CNOT4: variants seen among roughly 807,000 people sequenced by gnomAD.
CNOT4 encodes CCR4-NOT transcription complex subunit 4.
Under a neutral mutation model 73.8 loss-of-function variants are expected in CNOT4, and 8 were observed. The ratio of observed to expected loss-of-function variants is 0.11; its 90% CI spans 0.06 to 0.20. CNOT4 has a LOEUF of 0.20. Among genes scored for constraint, CNOT4 ranks in the 10% least tolerant of loss-of-function variants. CNOT4 has a pLI of 1.00. For synonymous variants in CNOT4, 293 were observed against 321.1 expected (o/e 0.91, Z 0.94); for missense variants, 564 against 883.4 (o/e 0.64, Z 4.58).
At chr7:135,443,698 A>C (rs553081150) in intron 1 of CNOT4, among the ~76,000 whole-genome samples, 1 of 152,320 alleles carries the variant, frequency 6.6e-6, no homozygotes, top group African/African-American at 2.4e-5. Flanking sequence ...ATGTGTAATA[A>C]TGCTCCTGCA....
At chr7:135,453,208 G>A (rs1399987936) in intron 1 of CNOT4, among the ~76,000 whole-genome samples, 1 of 152,002 alleles carries the variant, frequency 6.6e-6, no homozygotes, top group African/African-American at 2.4e-5. Flanking sequence ...CACTAGTAAT[G>A]GATAAAACAG....
At chr7:135,464,943 A>C (rs560216368) in intron 1 of CNOT4, among the ~76,000 whole-genome samples, 1 of 152,060 alleles carries the variant, frequency 6.6e-6, no homozygotes, top group Non-Finnish European at 1.5e-5. Context: ...GGTACAAGAA[A>C]CACAGATTAA....
chr7:135,505,384 T>A (rs1346430907), intron 1 of CNOT4, among the ~76,000 whole-genome samples: 1 of 152,084 alleles, frequency 6.6e-6, no homozygotes, highest in East Asian at 1.9e-4. Context: ...AAACCCCATC[T>A]CTACTAAAAA....
chr7:135,427,242 C>G (rs1201069779), intron 2 of CNOT4, among the ~76,000 whole-genome samples: 1 of 151,978 alleles, frequency 6.6e-6, no homozygotes, highest in Non-Finnish European at 1.5e-5. Flanking sequence ...CATGTGTCTT[C>G]TCTTTACTTT....
At chr7:135,400,889 A>T (rs576131084) in intron 7 of CNOT4, among the ~76,000 whole-genome samples, 5 of 152,302 alleles carry the variant, frequency 3.3e-5, no homozygotes, top group Admixed American at 3.3e-4. Context: ...GGAATAATAA[A>T]TGAAAAGCTT....
intron 1 of CNOT4, among the ~76,000 whole-genome samples, chr7:135,454,237 T>C (rs186921370): frequency 4.6e-5 from 7 of 151,976 alleles, no homozygotes; most frequent in African/African-American, 1.4e-4. Context: ...ACTAAAATAG[T>C]AAAGTCAAGA....
chr7:135,374,012 C>A (rs550142725), intron 10 of CNOT4, among the ~76,000 whole-genome samples: 4 of 152,280 alleles, frequency 2.6e-5, no homozygotes, highest in Non-Finnish European at 2.9e-5. Flanking sequence ...GGAAATAATG[C>A]GTAGCATTTT....
intron 1 of CNOT4, among the ~76,000 whole-genome samples, chr7:135,447,525 T>A (rs1414403514): frequency 6.6e-6 from 1 of 152,184 alleles, no homozygotes; most frequent in Non-Finnish European, 1.5e-5. Context: ...TTTCTACCTC[T>A]CTATCACTTT....
chr7:135,475,767 C>G (rs1490146004), intron 1 of CNOT4, among the ~76,000 whole-genome samples: 1 of 152,024 alleles, frequency 6.6e-6, no homozygotes, highest in East Asian at 1.9e-4. Context: ...AAAAATCAGC[C>G]ACGCATGGTG....
At chr7:135,395,015 A>G (rs1796600550) in intron 9 of CNOT4, among the ~76,000 whole-genome samples, 1 of 152,180 alleles carries the variant, frequency 6.6e-6, no homozygotes. Flanking sequence ...TTACTACTAA[A>G]TAACTTGCAT....
intron 1 of CNOT4, among the ~76,000 whole-genome samples, chr7:135,489,878 T>G (rs1314253071): frequency 6.6e-6 from 1 of 152,068 alleles, no homozygotes; most frequent in Non-Finnish European, 1.5e-5. Context: ...GCCACAACAG[T>G]GATATGATTG....
rs117601918 is a variant in CNOT4 at position 135,487,981 on chromosome 7, C to A, written c.-93+21908G>T. 2.2e-3 allele frequency among the ~76,000 whole-genome samples: 338 copies of A among 152,176 alleles called. 10 individuals carry two copies. In the East Asian group the frequency reaches 0.054, roughly 24 times the overall value. On this transcript the variant is annotated intron_variant, in intron 1 of 11. Transcript: ENST00000541284. ...CTGAGGCAGGAGAATGGCGTGAGAA[C>A]CACTGGGAGGCGGAGCTTGCACTGA...
Position 135,502,437 on chromosome 7 carries a change from GA to G in CNOT4, c.-93+7451del, listed in dbSNP as rs531593963. On this transcript the variant is annotated intron_variant, in intron 1 of 11. Coordinates refer to ENST00000541284, the MANE Select transcript of CNOT4 (RefSeq NM_001190850.2). The stretch of plus-strand genomic sequence containing the variant: ...TGGACAGTGCTAATTATATCATTAT[GA>G]AAGTATTCTTGACAAGATAAACTCT... Among the ~76,000 whole-genome samples, 291 of 152,348 alleles carry G rather than the reference GA, an allele frequency of 1.9e-3. 4 individuals are homozygous for G. The highest frequency in any genetic ancestry group is 6.8e-3 in the African/African-American group (283 of 41,582).
chr7:135,452,250 T>C (rs935657821), intron 1 of CNOT4, among the ~76,000 whole-genome samples: 3 of 151,758 alleles, frequency 2.0e-5, no homozygotes, highest in Non-Finnish European at 1.5e-5. Flanking sequence ...AAAAGAGGAA[T>C]AGTAATAAAA....
intron 8 of CNOT4, among the ~76,000 whole-genome samples, chr7:135,397,588 C>G (rs1425095697): frequency 7.3e-6 from 1 of 136,882 alleles, no homozygotes; most frequent in Non-Finnish European, 1.6e-5. Flanking sequence ...TATAGAAACT[C>G]AAGGAGTGAA....
At chr7:135,404,568 A>G (rs1195988574) in intron 7 of CNOT4, among the ~76,000 whole-genome samples, 1 of 152,140 alleles carries the variant, frequency 6.6e-6, no homozygotes, top group East Asian at 1.9e-4. Flanking sequence ...TCTATGAACT[A>G]TGTCTTTTCT....
intron 1 of CNOT4, among the ~76,000 whole-genome samples, chr7:135,473,254 C>T (rs558164469): frequency 2.2e-4 from 33 of 152,054 alleles, no homozygotes; most frequent in African/African-American, 6.5e-4. Context: ...TAATAACATG[C>T]CTTATTTTAA....
At chr7:135,483,688 G>A (rs1380872805) in intron 1 of CNOT4, among the ~76,000 whole-genome samples, 1 of 151,916 alleles carries the variant, frequency 6.6e-6, no homozygotes, top group African/African-American at 2.4e-5. Flanking sequence ...GCCGGACAAG[G>A]TGTCACATGC....
intron 7 of CNOT4, among the ~76,000 whole-genome samples, chr7:135,401,254 C>A (rs1796985126): frequency 6.6e-6 from 1 of 152,164 alleles, no homozygotes; most frequent in Non-Finnish European, 1.5e-5. Context: ...TAATAAATTT[C>A]TTTTACTTTC....
Sources: allele counts gnomAD v4.1 joint callset (sites outside exome capture counted in the v4.1 genomes callset), GRCh38; gene constraint gnomAD v4.1.1; transcripts MANE v1.5; gene names NCBI Gene and HGNC (gene_info 2026-07-23, HGNC 2026-07-21).